STEAP1B: variants seen among roughly 807,000 people sequenced by gnomAD.
STEAP1B encodes the protein STEAP family protein MGC87042.
In STEAP1B, 13 loss-of-function variants were observed where a neutral mutation model predicts 27.9. The observed-to-expected ratio is 0.47, with a 90% CI of 0.30 to 0.74. The LOEUF is 0.74. STEAP1B is among the 30% of genes least tolerant of loss of function. The pLI is 0.06. For missense variants in STEAP1B, 250 were observed against 298.7 expected, an observed-to-expected ratio of 0.84 and a Z score of 1.20; for synonymous variants, 86 against 107.1, an observed-to-expected ratio of 0.80 and a Z score of 1.22.
intron 4 of STEAP1B, among the ~76,000 whole-genome samples, chr7:22,447,660 G>A (rs1428196378): frequency 6.6e-6 from 1 of 152,228 alleles, no homozygotes; most frequent in East Asian, 1.9e-4. Flanking sequence ...TTGTTAGGAT[G>A]GAAGGGTGTT....
At chr7:22,463,374 T>A (rs1391947033) in intron 4 of STEAP1B, among the ~76,000 whole-genome samples, 1 of 152,066 alleles carries the variant, frequency 6.6e-6, no homozygotes, top group Non-Finnish European at 1.5e-5. Context: ...AAAATGGCCA[T>A]ACTGCCCAAG....
At position 22,493,522 on chromosome 7, in the gene STEAP1B, A is replaced by T; in HGVS notation, c.399T>A (p.Gly133=). 1.2e-6 allele frequency: 2 copies of T among 1,613,882 alleles called. No individual in the cohort carries two copies. Among genetic ancestry groups the T allele is most frequent in the Non-Finnish European group, 1.7e-6 (2 of 1,179,848 alleles). ...ITLLALVYLP[G]VIAAIVQVHN... is the part of the protein sequence containing the mutation. ...GAACTTGGACAATTGCTGCTATCAC[A>T]CCTGGTAGGTAAACCAATGCCAAGA... Residue 133 remains glycine, a synonymous_variant, in exon 3 of 5, where the codon GGT becomes GGA. Transcript: ENST00000678116.
At chr7:22,466,206 A>C (rs1234872329) in intron 4 of STEAP1B, among the ~76,000 whole-genome samples, 1 of 152,184 alleles carries the variant, frequency 6.6e-6, no homozygotes, top group Non-Finnish European at 1.5e-5. Flanking sequence ...TTTCTTGTGT[A>C]CAACAGTTTT....
intron 4 of STEAP1B, among the ~76,000 whole-genome samples, chr7:22,489,857 G>A (rs891600742): frequency 5.9e-5 from 9 of 152,270 alleles, no homozygotes; most frequent in South Asian, 2.1e-4. Context: ...TGGGCAGTAT[G>A]GCCATTTTCA....
chr7:22,447,677 G>C (rs145174958), intron 4 of STEAP1B, among the ~76,000 whole-genome samples: 216 of 152,316 alleles, frequency 1.4e-3, no homozygotes, highest in African/African-American at 4.6e-3. Flanking sequence ...TGTTTAGTAA[G>C]GTCCTTCATG....
At chr7:22,461,468 G>A (rs1020381278) in intron 4 of STEAP1B, among the ~76,000 whole-genome samples, 3 of 152,008 alleles carry the variant, frequency 2.0e-5, no homozygotes, top group Non-Finnish European at 4.4e-5. Flanking sequence ...TCACCATGTT[G>A]GCCAGGCTGG....
chr7:22,450,292 T>C (rs1241930050), intron 4 of STEAP1B, among the ~76,000 whole-genome samples: 1 of 152,226 alleles, frequency 6.6e-6, no homozygotes, highest in Non-Finnish European at 1.5e-5. Flanking sequence ...TTCTTTGTAG[T>C]AGTTTCATAC....
chr7:22,448,736 G>C (rs762715619), intron 4 of STEAP1B, among the ~76,000 whole-genome samples: 1 of 152,140 alleles, frequency 6.6e-6, no homozygotes, highest in Non-Finnish European at 1.5e-5. Flanking sequence ...CTCCCTGCAG[G>C]CATGTTCTGA....
chr7:22,483,423 G>A (rs1437120042), intron 4 of STEAP1B, among the ~76,000 whole-genome samples: 2 of 152,176 alleles, frequency 1.3e-5, no homozygotes, highest in African/African-American at 2.4e-5. Flanking sequence ...CACTGAGCTG[G>A]CCTTTCTGTC....
intron 4 of STEAP1B, among the ~76,000 whole-genome samples, chr7:22,456,057 G>A (rs541931195): frequency 3.8e-4 from 58 of 151,924 alleles, no homozygotes; most frequent in Non-Finnish European, 7.9e-4. Flanking sequence ...TGAGGCAGGA[G>A]AATGGCGTGA....
At chr7:22,483,030 C>G (rs1371901646) in intron 4 of STEAP1B, among the ~76,000 whole-genome samples, 1 of 152,292 alleles carries the variant, frequency 6.6e-6, no homozygotes, top group East Asian at 1.9e-4. Flanking sequence ...TTGGTTTGCT[C>G]TGGGTATTTC....
chr7:22,442,765 G>A (rs1450175392), intron 4 of STEAP1B, among the ~76,000 whole-genome samples: 1 of 152,220 alleles, frequency 6.6e-6, no homozygotes. Context: ...AATGAGGCAA[G>A]GCTGAGAGAG....
chr7:22,468,153 T>A (rs1236206930), intron 4 of STEAP1B, among the ~76,000 whole-genome samples: 1 of 152,278 alleles, frequency 6.6e-6, no homozygotes, highest in East Asian at 1.9e-4. Context: ...GAATATAGTA[T>A]AAGTATGTTC....
rs1468543642 is a variant in STEAP1B, at chr7:22,452,140, G to A, written c.763-32304C>T. 2.0e-5 allele frequency among the ~76,000 whole-genome samples: 3 copies of A among 152,170 alleles called. No individual in the cohort carries two copies. In the East Asian group the frequency reaches 5.8e-4, roughly 29 times the overall value. ...TAAAGGAAAAGTTTAAGATATAATT[G>A]AGGTAGAAATTACAGAAGGCTGCTA... On this transcript the variant is annotated intron_variant, in intron 4 of 4. Transcript: ENST00000678116.
rs556352292 is a variant in STEAP1B, at chr7:22,438,786, T to C, written c.763-18950A>G. On this transcript the variant is annotated intron_variant, in intron 4 of 4. Coordinates refer to ENST00000678116, the MANE Select transcript of STEAP1B (RefSeq NM_001382447.1). ...AAATGAAAAGAAATGATACATTTGG[T>C]GCCTGTGTAAAGTATGTGGGAATTA... The C allele has an allele frequency of 1.2e-5, 18 of 1,535,850 alleles. No individual in the cohort carries two copies. The South Asian group carries it at 2.1e-4, about 18-fold the overall frequency.
At chr7:22,482,846 G>T (rs1786106847) in intron 4 of STEAP1B, among the ~76,000 whole-genome samples, 1 of 152,172 alleles carries the variant, frequency 6.6e-6, no homozygotes, top group African/African-American at 2.4e-5. Flanking sequence ...CAATCCTCAG[G>T]CCTTTCATAA....
chr7:22,498,131 G>A (rs181654352), intron 1 of STEAP1B, among the ~76,000 whole-genome samples: 8,093 of 152,254 alleles, frequency 0.053, 327 homozygotes, highest in Admixed American at 0.12. Context: ...ATGCTCGCTG[G>A]CCTGCCACTC....
chr7:22,438,409 C>G (rs564325148), intron 4 of STEAP1B: 16 of 1,445,604 alleles, frequency 1.1e-5, no homozygotes, highest in Non-Finnish European at 1.5e-5. Context: ...CCACTTTGTA[C>G]TTCCAGCTTC....
chr7:22,482,957 A>T (rs1410566522), intron 4 of STEAP1B, among the ~76,000 whole-genome samples: 2 of 152,032 alleles, frequency 1.3e-5, no homozygotes, highest in Admixed American at 6.5e-5. Context: ...CCAAAAATAA[A>T]ATGAGGTGCA....
Sources: gnomAD v4.1 joint callset for allele counts (sites outside exome capture counted in the v4.1 genomes callset) on GRCh38, gnomAD v4.1.1 for gene constraint, MANE v1.5 for transcripts, NCBI Gene and HGNC (gene_info 2026-07-23, HGNC 2026-07-21) for gene names.